Variants in EEIG2 observed in about 807,000 individuals in gnomAD.
The protein encoded by EEIG2 is EEIG family member 2.
chr1:108,627,793 T>TTTATAAGAATACATCTG, the EEIG2 span: 3 of 177,004 alleles, frequency 1.7e-5, no homozygotes, highest in African/African-American at 7.1e-5. Flanking sequence ...TTTGTGAACA[T>TTTATAAGAATACATCTG]TTATAAGAAT....
At chr1:108,580,093 C>T in the EEIG2 span, among the ~76,000 whole-genome samples, 1 of 152,038 alleles carries the variant, frequency 6.6e-6, no homozygotes, top group South Asian at 2.1e-4. Context: ...AGTGTGAGCT[C>T]ACTTCATATC....
chr1:108,568,725 T>A, the EEIG2 span, among the ~76,000 whole-genome samples: 49 of 152,328 alleles, frequency 3.2e-4, no homozygotes, highest in African/African-American at 1.2e-3. Flanking sequence ...GGGCCTGGAC[T>A]CTTTTTGTCT....
chr1:108,628,011 A>G, the EEIG2 span: 1 of 612,090 alleles, frequency 1.6e-6, no homozygotes, highest in Non-Finnish European at 3.0e-6. Context: ...CAATACAGTT[A>G]CTTCCATTGC....
the EEIG2 span, among the ~76,000 whole-genome samples, chr1:108,581,459 G>T: frequency 6.6e-6 from 1 of 152,112 alleles, no homozygotes; most frequent in Non-Finnish European, 1.5e-5. Context: ...AAATTAAATT[G>T]AAAACCTTCT....
chr1:108,577,839 G>A, the EEIG2 span, among the ~76,000 whole-genome samples: 1 of 150,784 alleles, frequency 6.6e-6, no homozygotes, highest in African/African-American at 2.4e-5. Flanking sequence ...TGTGAAGAAA[G>A]TCATTGGTAG....
chr1:108,607,956 C>T, the EEIG2 span, among the ~76,000 whole-genome samples: 1 of 152,122 alleles, frequency 6.6e-6, no homozygotes, highest in Non-Finnish European at 1.5e-5. Flanking sequence ...ATGATCATAT[C>T]GTTCCCCCAT....
chr1:108,565,376 G>T, the EEIG2 span, among the ~76,000 whole-genome samples: 1 of 152,194 alleles, frequency 6.6e-6, no homozygotes, highest in Non-Finnish European at 1.5e-5. Context: ...TATTTGGTCT[G>T]TTGTTGACCA....
the EEIG2 span, among the ~76,000 whole-genome samples, chr1:108,562,938 G>C: frequency 6.6e-6 from 1 of 152,276 alleles, no homozygotes; most frequent in Admixed American, 6.5e-5. Flanking sequence ...AGTCAAGGCA[G>C]TGCATCTCTA....
At chr1:108,594,075 T>C in the EEIG2 span, among the ~76,000 whole-genome samples, 23 of 152,250 alleles carry the variant, frequency 1.5e-4, no homozygotes, top group Admixed American at 4.6e-4. Flanking sequence ...CCGAAAGTGC[T>C]GGGATTACAA....
the EEIG2 span, chr1:108,627,577 A>C: frequency 0.82 from 125,511 of 152,208 alleles, 53,559 homozygotes; most frequent in Non-Finnish European, 0.94. Flanking sequence ...TACTTTGAAT[A>C]TGAATACTAT....
At chr1:108,582,054 A>G in the EEIG2 span, among the ~76,000 whole-genome samples, 3 of 152,172 alleles carry the variant, frequency 2.0e-5, no homozygotes, top group Non-Finnish European at 4.4e-5. Flanking sequence ...ATCAACATCA[A>G]GGTTTGCTAC....
the EEIG2 span, among the ~76,000 whole-genome samples, chr1:108,594,602 T>A: frequency 2.0e-5 from 3 of 152,192 alleles, no homozygotes; most frequent in Non-Finnish European, 2.9e-5. Flanking sequence ...GTAGTTAATA[T>A]GTGTAATTTT....
chr1:108,599,789 C>G, the EEIG2 span, among the ~76,000 whole-genome samples: 1 of 152,192 alleles, frequency 6.6e-6, no homozygotes, highest in Non-Finnish European at 1.5e-5. Flanking sequence ...GTCAGGAGTT[C>G]AAGACCAGCC....
At chr1:108,599,792 G>A in the EEIG2 span, among the ~76,000 whole-genome samples, 1 of 152,210 alleles carries the variant, frequency 6.6e-6, no homozygotes, top group African/African-American at 2.4e-5. Context: ...AGGAGTTCAA[G>A]ACCAGCCTGG....
chr1:108,568,447 T>C, the EEIG2 span, among the ~76,000 whole-genome samples: 4 of 152,092 alleles, frequency 2.6e-5, no homozygotes, highest in African/African-American at 7.2e-5. Flanking sequence ...GAGACTGGGG[T>C]TAGTCTTGAG....
the EEIG2 span, among the ~76,000 whole-genome samples, chr1:108,607,560 A>C: frequency 7.7e-3 from 1,175 of 152,312 alleles, 13 homozygotes; most frequent in African/African-American, 0.027. Flanking sequence ...GTGGTGGCTC[A>C]TGCCTGTAAT....
chr1:108,585,903 A>C, the EEIG2 span, among the ~76,000 whole-genome samples: 58 of 152,068 alleles, frequency 3.8e-4, no homozygotes, highest in South Asian at 0.011. Context: ...CTGTATTTCC[A>C]AGTATGTCTT....
chr1:108,612,142 G>T, the EEIG2 span: 3 of 1,425,360 alleles, frequency 2.1e-6, no homozygotes, highest in Non-Finnish European at 2.9e-6. Context: ...AAGCCTACTA[G>T]ATAGTCTATT....
the EEIG2 span, among the ~76,000 whole-genome samples, chr1:108,592,123 A>G: frequency 6.6e-6 from 1 of 152,196 alleles, no homozygotes; most frequent in African/African-American, 2.4e-5. Context: ...AGCGGGGACC[A>G]TTAAGGAGGC....
Sources: gnomAD v4.1 joint callset for allele counts (sites outside exome capture counted in the v4.1 genomes callset) on GRCh38, gnomAD v4.1.1 for gene constraint, MANE v1.5 for transcripts, NCBI Gene and HGNC (gene_info 2026-07-23, HGNC 2026-07-21) for gene names.